GLIS3: variants seen among roughly 807,000 people sequenced by gnomAD.
The protein encoded by GLIS3 is GLIS family zinc finger 3, also known as zinc finger protein GLIS3.
Under a neutral mutation model 78.6 loss-of-function variants are expected in GLIS3, and 53 were observed. The ratio of observed to expected loss-of-function variants is 0.67; its 90% confidence interval spans 0.54 to 0.85. GLIS3 has a LOEUF of 0.85. Among genes scored for constraint, GLIS3 ranks in the 40% least tolerant of loss-of-function variants. The pLI, the probability that GLIS3 is intolerant of heterozygous loss-of-function variation, is 0.00. For missense variants in GLIS3, 1,703 were observed against 1,231.1 expected (o/e 1.38, Z -5.74); for synonymous variants, 684 against 509.9 (o/e 1.34, Z -4.60).
chr9:4,391,655 A>G, the GLIS3 span, among the ~76,000 whole-genome samples: 16 of 152,210 alleles, frequency 1.1e-4, no homozygotes, highest in South Asian at 3.3e-3. Context: ...GGGGAAAATT[A>G]TATTTTAAAA....
intron 2 of GLIS3, among the ~76,000 whole-genome samples, chr9:4,272,896 T>C (rs1826644574): frequency 6.6e-6 from 1 of 152,240 alleles, no homozygotes; most frequent in East Asian, 1.9e-4. Flanking sequence ...CATTTAAGTC[T>C]TGACAGTGTC....
At chr9:4,100,059 C>G (rs1830247647) in intron 4 of GLIS3, among the ~76,000 whole-genome samples, 1 of 152,180 alleles carries the variant, frequency 6.6e-6, no homozygotes, top group Admixed American at 6.5e-5. Context: ...ATGACACATA[C>G]TACAGAAGAA....
At chr9:4,375,687 C>T in the GLIS3 span, among the ~76,000 whole-genome samples, 2,291 of 152,296 alleles carry the variant, frequency 0.015, 74 homozygotes, top group African/African-American at 0.053. Flanking sequence ...TCATCATTGT[C>T]TAGTGGCTTT....
the GLIS3 span, among the ~76,000 whole-genome samples, chr9:4,471,111 C>G: frequency 4.6e-5 from 7 of 152,202 alleles, no homozygotes; most frequent in East Asian, 1.3e-3. Context: ...AAAGAGGACA[C>G]AAACAAATGG....
chr9:4,105,861 A>T (rs576765715), intron 4 of GLIS3, among the ~76,000 whole-genome samples: 1 of 152,236 alleles, frequency 6.6e-6, no homozygotes, highest in African/African-American at 2.4e-5. Context: ...ACACAATAGA[A>T]CACGATCGGG....
the GLIS3 span, among the ~76,000 whole-genome samples, chr9:4,486,976 G>A: frequency 6.6e-6 from 1 of 152,268 alleles, no homozygotes; most frequent in South Asian, 2.1e-4. Flanking sequence ...GGGAATATAG[G>A]TGTGAGTCGA....
intron 9 of GLIS3, among the ~76,000 whole-genome samples, chr9:3,833,519 AT>A (rs1421448276): frequency 6.6e-6 from 1 of 150,478 alleles, no homozygotes; most frequent in Admixed American, 6.6e-5. Flanking sequence ...ATGTTAACAC[AT>A]TTTGTGGGCG....
At chr9:4,418,786 T>C in the GLIS3 span, among the ~76,000 whole-genome samples, 1 of 152,134 alleles carries the variant, frequency 6.6e-6, no homozygotes, top group African/African-American at 2.4e-5. Context: ...ACAGTAGTAT[T>C]TGAGTTGGGT....
chr9:3,999,698 G>C (rs900209730), intron 4 of GLIS3, among the ~76,000 whole-genome samples: 2 of 152,030 alleles, frequency 1.3e-5, no homozygotes, highest in Admixed American at 6.5e-5. Context: ...TTCTATAATT[G>C]ATCTACATAT....
the GLIS3 span, among the ~76,000 whole-genome samples, chr9:4,440,721 T>A: frequency 1.3e-5 from 2 of 152,204 alleles, no homozygotes; most frequent in African/African-American, 4.8e-5. Flanking sequence ...TGACAGGGGT[T>A]GCATTGATTT....
intron 2 of GLIS3, among the ~76,000 whole-genome samples, chr9:4,210,461 C>A (rs986092454): frequency 6.6e-6 from 1 of 152,190 alleles, no homozygotes; most frequent in African/African-American, 2.4e-5. Flanking sequence ...GCAACATGCT[C>A]TGAATTAGAA....
In GLIS3 at chr9:3,952,743, T is replaced by C. The variant is rs532858033; in HGVS notation, c.1711-15554A>G. On this transcript the variant is annotated intron_variant, in intron 4 of 10. Transcript: ENST00000381971. ...AACAAGAATATACCAAATGGTATCC[T>C]AGCACAGTGCTTCTTGCACTTTAAT... Among the ~76,000 whole-genome samples, 6 of 152,322 alleles carry C rather than the reference T, an allele frequency of 3.9e-5. No homozygotes were observed. The East Asian group carries it at 1.2e-3, about 29-fold the overall frequency.
At chr9:3,860,091 C>T (rs944087827) in intron 8 of GLIS3, among the ~76,000 whole-genome samples, 3 of 151,728 alleles carry the variant, frequency 2.0e-5, no homozygotes, top group Admixed American at 6.6e-5. Context: ...CTGGCTAACA[C>T]GGTGAAAGTC....
intron 2 of GLIS3, among the ~76,000 whole-genome samples, chr9:4,217,124 G>C (rs915221914): frequency 6.6e-6 from 1 of 152,160 alleles, no homozygotes; most frequent in African/African-American, 2.4e-5. Flanking sequence ...ATTAAATGCG[G>C]TCTGGAAACA....
At chr9:3,902,806 G>A (rs548743174) in intron 6 of GLIS3, among the ~76,000 whole-genome samples, 4 of 152,170 alleles carry the variant, frequency 2.6e-5, no homozygotes, top group Non-Finnish European at 4.4e-5. Flanking sequence ...TGGAAACAGC[G>A]AATTATAAAA....
Position 4,066,911 on chromosome 9 carries a change from C to T in GLIS3, c.1710+50857G>A, listed in dbSNP as rs60499829. 7.2e-3 allele frequency among the ~76,000 whole-genome samples: 1,090 copies of T among 152,216 alleles called. 10 individuals are homozygous for T. Among genetic ancestry groups the T allele is most frequent in the African/African-American group, 0.022 (905 of 41,514 alleles). On this transcript the variant is annotated intron_variant, in intron 4 of 10. Coordinates refer to ENST00000381971, the MANE Select transcript of GLIS3 (RefSeq NM_001042413.2). ...CGGGCATCTTTCCGTGGATCAGCCC[C>T]GGCTCACTGACACCCAGGCAGGGAG... is the stretch of plus-strand genomic sequence containing the variant.
intron 2 of GLIS3, among the ~76,000 whole-genome samples, chr9:4,254,924 G>A (rs1345331991): frequency 1.3e-5 from 2 of 151,796 alleles, no homozygotes; most frequent in Non-Finnish European, 2.9e-5. Flanking sequence ...CAGACTAAGA[G>A]AAAATATTTG....
chr9:3,925,004 C>T (rs1449342034), intron 6 of GLIS3, among the ~76,000 whole-genome samples: 4 of 152,146 alleles, frequency 2.6e-5, no homozygotes, highest in Admixed American at 2.6e-4. Flanking sequence ...AAACACCTGT[C>T]AGAGGGTCGT....
intron 2 of GLIS3, among the ~76,000 whole-genome samples, chr9:4,334,520 C>G (rs778687995): frequency 6.6e-6 from 1 of 152,210 alleles, no homozygotes; most frequent in Non-Finnish European, 1.5e-5. Flanking sequence ...ACTTTTCTGG[C>G]TCTGTTTGCA....
Sources: allele counts gnomAD v4.1 joint callset (sites outside exome capture counted in the v4.1 genomes callset), GRCh38; gene constraint gnomAD v4.1.1; transcripts MANE v1.5; gene names NCBI Gene and HGNC (gene_info 2026-07-23, HGNC 2026-07-21).